AKT3: variants seen among roughly 807,000 people sequenced by gnomAD.
AKT3 encodes RAC-gamma serine/threonine-protein kinase.
A neutral mutation model predicts 65.3 loss-of-function variants in AKT3; 15 were observed. The ratio of observed to expected loss-of-function variants is 0.23; its 90% confidence interval spans 0.15 to 0.35. The LOEUF (loss-of-function observed/expected upper bound fraction) is 0.35, where lower values mean the gene tolerates loss of function less well. Among genes scored for constraint, AKT3 ranks in the 10% least tolerant of loss-of-function variants. AKT3 has a pLI of 1.00. For missense variants in AKT3, 243 were observed against 576.5 expected (o/e 0.42, Z 5.92); for synonymous variants, 206 against 183.8 (o/e 1.12, Z -0.98).
At chr1:243,797,285 TATC>T (rs991197945) in intron 2 of AKT3, among the ~76,000 whole-genome samples, 1 of 152,114 alleles carries the variant, frequency 6.6e-6, no homozygotes, top group African/African-American at 2.4e-5. Context: ...ATCTGGCACA[TATC>T]ATGGTATACT....
chr1:243,534,937 T>A (rs1026521586), intron 12 of AKT3, among the ~76,000 whole-genome samples: 1 of 150,978 alleles, frequency 6.6e-6, no homozygotes, highest in African/African-American at 2.4e-5. Flanking sequence ...AAAGAGAAAA[T>A]TAAATCCAAA....
At chr1:243,523,047 G>C (rs908487471) in intron 12 of AKT3, among the ~76,000 whole-genome samples, 1 of 152,082 alleles carries the variant, frequency 6.6e-6, no homozygotes, top group African/African-American at 2.4e-5. Flanking sequence ...AAAAGCTGAG[G>C]AGGAAGAGGT....
chr1:243,593,348 G>A (rs1571995591), intron 8 of AKT3, among the ~76,000 whole-genome samples: 2 of 152,154 alleles, frequency 1.3e-5, no homozygotes. Context: ...TTAATCTCAA[G>A]AATGAAGACT....
At chr1:243,686,098 A>G (rs1684270657) in intron 3 of AKT3, among the ~76,000 whole-genome samples, 1 of 152,202 alleles carries the variant, frequency 6.6e-6, no homozygotes, top group Non-Finnish European at 1.5e-5. Flanking sequence ...GCTCAAGGAA[A>G]TAAGAGAGGA....
intron 2 of AKT3, among the ~76,000 whole-genome samples, chr1:243,744,484 A>C (rs1688350411): frequency 6.6e-6 from 1 of 152,190 alleles, no homozygotes; most frequent in Non-Finnish European, 1.5e-5. Context: ...TCACGCCTGT[A>C]ATCCCAGCAC....
At chr1:243,721,724 T>C (rs1382957885) in intron 2 of AKT3, among the ~76,000 whole-genome samples, 2 of 152,122 alleles carry the variant, frequency 1.3e-5, no homozygotes, top group Non-Finnish European at 2.9e-5. Context: ...AAATTTACTA[T>C]GCCAATGTAA....
chr1:243,748,956 T>C (rs189217214), intron 2 of AKT3, among the ~76,000 whole-genome samples: 4 of 152,264 alleles, frequency 2.6e-5, no homozygotes, highest in Admixed American at 6.5e-5. Flanking sequence ...GTACCTAGCA[T>C]ATGGCAGGCC....
chr1:243,751,311 C>G lies in AKT3; in HGVS notation c.47-55595G>C, dbSNP rs148164060. Among the ~76,000 whole-genome samples the G allele has an allele frequency of 1.5e-3, 227 of 152,364 alleles. 1 individual carries two copies. Among genetic ancestry groups the G allele is most frequent in the African/African-American group, 5.3e-3 (219 of 41,588 alleles). ...ATTTGTAGACCAGCTGTGACAGACT[C>G]TTTAAAGCATATCCAAGGCAATGAT... is the stretch of plus-strand genomic sequence containing the variant. On this transcript the variant is annotated intron_variant, in intron 2 of 13. Transcript: ENST00000673466.
At chr1:243,808,584 G>C (rs1313889947) in intron 2 of AKT3, among the ~76,000 whole-genome samples, 1 of 152,126 alleles carries the variant, frequency 6.6e-6, no homozygotes, top group Non-Finnish European at 1.5e-5. Context: ...AGGGAGAATG[G>C]AACCAAGTTG....
chr1:243,703,546 AGGCCAGG>A (rs1685597916), intron 2 of AKT3, among the ~76,000 whole-genome samples: 1 of 152,128 alleles, frequency 6.6e-6, no homozygotes, highest in East Asian at 1.9e-4. Context: ...GGATCACTTG[AGGCCAGG>A]AGTCAGAGAC....
At chr1:243,639,818 C>G (rs987555503) in intron 5 of AKT3, among the ~76,000 whole-genome samples, 5 of 152,180 alleles carry the variant, frequency 3.3e-5, no homozygotes, top group African/African-American at 1.2e-4. Context: ...CATTCTTTTA[C>G]TTTCTTAATA....
intron 2 of AKT3, among the ~76,000 whole-genome samples, chr1:243,766,829 G>A (rs928343273): frequency 5.9e-5 from 9 of 152,152 alleles, no homozygotes; most frequent in South Asian, 2.1e-4. Flanking sequence ...ATAATAGCAC[G>A]TGCACAGGGG....
At chr1:243,648,785 C>G (rs538525324) in intron 4 of AKT3, among the ~76,000 whole-genome samples, 1 of 152,176 alleles carries the variant, frequency 6.6e-6, no homozygotes, top group South Asian at 2.1e-4. Flanking sequence ...TCTTGGATGT[C>G]AGTAATTTGT....
intron 2 of AKT3, among the ~76,000 whole-genome samples, chr1:243,836,641 T>C (rs761698570): frequency 2.2e-4 from 34 of 152,164 alleles, no homozygotes; most frequent in Non-Finnish European, 1.5e-4. Context: ...CTGGGTGCAG[T>C]GGCTCAGGCC....
chr1:243,560,956 C>A (rs575942748), intron 10 of AKT3, among the ~76,000 whole-genome samples: 23 of 151,970 alleles, frequency 1.5e-4, no homozygotes, highest in African/African-American at 5.3e-4. Flanking sequence ...TCCAGAGAAA[C>A]AAATAATTTT....
intron 2 of AKT3, among the ~76,000 whole-genome samples, chr1:243,808,675 G>C (rs1224630569): frequency 6.6e-6 from 1 of 152,066 alleles, no homozygotes; most frequent in Non-Finnish European, 1.5e-5. Context: ...AGGAAATACA[G>C]AAAACGCCAC....
intron 3 of AKT3, among the ~76,000 whole-genome samples, chr1:243,676,220 G>A (rs1683498267): frequency 6.6e-6 from 1 of 152,180 alleles, no homozygotes; most frequent in Non-Finnish European, 1.5e-5. Flanking sequence ...TGAAATGAGA[G>A]GCCAATGCAG....
chr1:243,735,292 C>T (rs1234433781), intron 2 of AKT3, among the ~76,000 whole-genome samples: 2 of 152,156 alleles, frequency 1.3e-5, no homozygotes, highest in East Asian at 1.9e-4. Flanking sequence ...GTTTACACCA[C>T]CATCACCATA....
At chr1:243,816,387 T>G (rs567991399) in intron 2 of AKT3, among the ~76,000 whole-genome samples, 26 of 152,236 alleles carry the variant, frequency 1.7e-4, no homozygotes, top group African/African-American at 6.3e-4. Context: ...CAAAAGGGGA[T>G]AGCTGGTCAT....
Sources: allele counts gnomAD v4.1 joint callset (sites outside exome capture counted in the v4.1 genomes callset), GRCh38; gene constraint gnomAD v4.1.1; transcripts MANE v1.5; gene names NCBI Gene and HGNC (gene_info 2026-07-23, HGNC 2026-07-21).